The following ANO1 variants were observed in gnomAD, a reference collection of about 807,000 sequenced individuals.
ANO1 encodes the protein anoctamin 1, also known as anoctamin-1.
A neutral mutation model predicts 124.0 loss-of-function variants in ANO1; 59 were observed. The ratio of observed to expected loss-of-function variants is 0.48; its 90% CI spans 0.39 to 0.59. The LOEUF (loss-of-function observed/expected upper bound fraction) is 0.59. Ranked by LOEUF, ANO1 falls within the 20% of genes least tolerant of loss-of-function variation. The pLI is 0.00. For synonymous variants in ANO1, 529 were observed against 532.0 expected (o/e 0.99, Z 0.08); for missense variants, 1,059 against 1,328.0 (o/e 0.80, Z 3.15).
rs1391386706 is a variant in ANO1 at position 70,187,811 on chromosome 11, TC to T, written c.2770del (p.His924ThrfsTer77). The T allele has an allele frequency of 6.2e-7, 1 of 1,609,554 alleles. No individual in the cohort carries two copies. The highest frequency in any genetic ancestry group is 8.5e-7 in the Non-Finnish European group (1 of 1,178,174). The part of the protein sequence containing the change: ...PDIPKDISQQ[I>X]HKEKVLMVEL... ...ATCCCCAAGGACATCAGCCAGCAGA[TC>T]CACAAGGAGAAGGTGCTCATGGTGG... On this transcript the variant is annotated frameshift_variant, in exon 26 of 26. Coordinates refer to ENST00000355303, the MANE Select transcript of ANO1 (RefSeq NM_018043.7). LOFTEE classifies it high-confidence loss of function.
chr11:70,035,327 A>T (rs72939633), intron 1 of ANO1, among the ~76,000 whole-genome samples: 15,377 of 152,260 alleles, frequency 0.1, 935 homozygotes, highest in Non-Finnish European at 0.14. Flanking sequence ...GTGTGGAGAG[A>T]AAAGGAAGGG....
At chr11:70,156,877 C>A in intron 15 of ANO1, 70 bp from the exon 16 acceptor site, 2 of 1,440,784 alleles carry the variant, frequency 1.4e-6, no homozygotes, top group Middle Eastern at 1.8e-4. Context: ...GCACATGCAC[C>A]CACGCTGACA....
intron 1 of ANO1, among the ~76,000 whole-genome samples, chr11:70,084,172 G>A (rs1035708722): frequency 6.6e-5 from 10 of 152,092 alleles, no homozygotes; most frequent in South Asian, 2.1e-4. Flanking sequence ...TGTGCCCTCC[G>A]ACCCCTCGAG....
chr11:70,092,783 G>A (rs1448302972), intron 2 of ANO1, among the ~76,000 whole-genome samples: 4 of 152,156 alleles, frequency 2.6e-5, no homozygotes, highest in African/African-American at 7.2e-5. Flanking sequence ...CCCCAGGGCC[G>A]GCTCCAGAGA....
chr11:70,162,143 C>T (rs746658028), intron 18 of ANO1, among the ~76,000 whole-genome samples: 6 of 149,338 alleles, frequency 4.0e-5, no homozygotes, highest in East Asian at 3.9e-4. Context: ...GAGAGGACCT[C>T]GGGCAGTGAG....
intron 11 of ANO1, among the ~76,000 whole-genome samples, chr11:70,139,345 C>T (rs924067613): frequency 8.0e-5 from 12 of 150,912 alleles, no homozygotes; most frequent in Admixed American, 2.6e-4. Flanking sequence ...TTAGTAGAGA[C>T]GGTGTCTCAC....
rs1565158115 is a variant in ANO1 at position 70,003,609 on chromosome 11, GGATGGATGGATGGATGGA to G, written c.58+17444_58+17461del. On this transcript the variant is annotated intron_variant, in intron 1 of 27. Coordinates refer to the ANO1 transcript ENST00000531349. ...TGGATGGATGGGTGGATGGATGGAT[GGATGGATGGATGGATGGA>G]TGGATGGATGGATGGATGGATAAAT... Among the ~76,000 whole-genome samples the G allele has an allele frequency of 1.3e-4, 18 of 138,298 alleles. 1 individual carries two copies. Among genetic ancestry groups the G allele is most frequent in the Non-Finnish European group, 2.4e-4 (15 of 63,488 alleles). 90.7% of individuals were successfully genotyped at this position (138,298 alleles called of 152,430 possible).
chr11:69,990,199 T>G (rs981949583), intron 1 of ANO1, among the ~76,000 whole-genome samples: 1 of 152,210 alleles, frequency 6.6e-6, no homozygotes, highest in African/African-American at 2.4e-5. Context: ...TTCTAATTTC[T>G]GCCTCTATAA....
At chr11:70,099,799 G>A (rs1352996312) in intron 2 of ANO1, among the ~76,000 whole-genome samples, 1 of 152,190 alleles carries the variant, frequency 6.6e-6, no homozygotes, top group Non-Finnish European at 1.5e-5. Context: ...TTGCGATGAG[G>A]AAATGTAGGC....
chr11:70,072,122 C>T lies in ANO1; in HGVS notation c.59-6420C>T, dbSNP rs61093346. 9.5e-4 allele frequency among the ~76,000 whole-genome samples: 145 copies of T among 152,302 alleles called. 3 individuals are homozygous for T. In the East Asian group the frequency reaches 0.021, roughly 22 times the overall value. Reference sequence around the variant, plus strand: ...CGTTGCATCAGGAGGACGAGGTCTTCGGCGCCAAACCCAGAGGGCCTTGAA... The same window carrying T: ...CGTTGCATCAGGAGGACGAGGTCTTTGGCGCCAAACCCAGAGGGCCTTGAA... On this transcript the variant is annotated intron_variant, in intron 1 of 27. Transcript: ENST00000531349.
intron 1 of ANO1, among the ~76,000 whole-genome samples, chr11:70,050,862 G>T (rs1402254352): frequency 1.3e-5 from 2 of 152,138 alleles, no homozygotes; most frequent in South Asian, 4.2e-4. Context: ...ATACTAACAA[G>T]GTTATAGGAA....
intron 22 of ANO1, among the ~76,000 whole-genome samples, chr11:70,179,045 C>T (rs531713403): frequency 2.6e-5 from 4 of 152,332 alleles, no homozygotes; most frequent in African/African-American, 9.6e-5. Context: ...AGCATGCACC[C>T]CAAAAACGGG....
intron 2 of ANO1, among the ~76,000 whole-genome samples, chr11:70,088,390 GC>G (rs1450937999): frequency 6.6e-6 from 1 of 151,650 alleles, no homozygotes; most frequent in Non-Finnish European, 1.5e-5. Flanking sequence ...TGTGTCTGTG[GC>G]CCCCCTACTC....
At chr11:70,021,982 C>T (rs1555002667) in intron 1 of ANO1, among the ~76,000 whole-genome samples, 1 of 152,214 alleles carries the variant, frequency 6.6e-6, no homozygotes, top group African/African-American at 2.4e-5. Flanking sequence ...ATAAGGTGTG[C>T]TGCTGTGTGC....
intron 1 of ANO1, among the ~76,000 whole-genome samples, chr11:70,029,033 C>T (rs887590403): frequency 2.1e-4 from 32 of 152,128 alleles, no homozygotes; most frequent in African/African-American, 7.5e-4. Context: ...CCACCCACCT[C>T]GGCCTCCGAA....
chr11:70,072,087 T>C (rs1857885425), intron 1 of ANO1, among the ~76,000 whole-genome samples: 1 of 152,192 alleles, frequency 6.6e-6, no homozygotes, highest in Non-Finnish European at 1.5e-5. Context: ...ACACCTTTAT[T>C]GTACAGAAAC....
At chr11:70,161,485 G>A in intron 17 of ANO1, 123 bp downstream of exon 17, 1 of 1,386,970 alleles carries the variant, frequency 7.2e-7, no homozygotes, top group Non-Finnish European at 1.0e-6. Context: ...GGTTCTCAAT[G>A]GGTATCCTGA....
chr11:70,148,270 C>T (rs2047459744), intron 11 of ANO1, among the ~76,000 whole-genome samples: 1 of 152,098 alleles, frequency 6.6e-6, no homozygotes, highest in Admixed American at 6.5e-5. Flanking sequence ...GCCTCAGTTT[C>T]CCCCTCTGTA....
At chr11:69,971,948 C>T in the ANO1 span, among the ~76,000 whole-genome samples, 20 of 152,036 alleles carry the variant, frequency 1.3e-4, no homozygotes, top group Non-Finnish European at 1.9e-4. Flanking sequence ...AGGCTGGGCG[C>T]GGTGGCTCAC....
Sources: gnomAD v4.1 joint callset for allele counts (sites outside exome capture counted in the v4.1 genomes callset) on GRCh38, gnomAD v4.1.1 for gene constraint, MANE v1.5 for transcripts, NCBI Gene and HGNC (gene_info 2026-07-23, HGNC 2026-07-21) for gene names.